The following ARHGAP44 variants were observed in gnomAD, a reference collection of about 807,000 sequenced individuals.
The protein encoded by ARHGAP44 is rho GTPase-activating protein 44.
A neutral mutation model predicts 106.8 loss-of-function variants in ARHGAP44; 43 were observed. That is an observed-to-expected ratio of 0.40 (90% CI 0.32 to 0.52). ARHGAP44 has a LOEUF of 0.52. Among genes scored for constraint, ARHGAP44 ranks in the 20% least tolerant of loss-of-function variants. The probability of loss-of-function intolerance (pLI) is 0.48; values close to 1 mark genes in which losing one functional copy is unlikely to be tolerated. For missense variants in ARHGAP44, 866 were observed against 1,050.5 expected, an observed-to-expected ratio of 0.82 and a Z score of 2.43; for synonymous variants, 439 against 410.3, an observed-to-expected ratio of 1.07 and a Z score of -0.85.
rs542864428 is a variant in ARHGAP44 at position 12,807,942 on chromosome 17, C to T, written c.53+18051C>T. Among the ~76,000 whole-genome samples the T allele has an allele frequency of 2.0e-5, 3 of 152,314 alleles. No homozygotes were observed. In the South Asian group the frequency reaches 6.2e-4, roughly 32 times the overall value. On this transcript the variant is annotated intron_variant, in intron 1 of 20. Transcript: ENST00000379672. ...AGTTACTTCCCAGATACAATGGTTA[C>T]AATGTGGATACAGGCATTGGGTAAA...
rs148811816 is a variant in ARHGAP44 at position 12,912,844 on chromosome 17, A to G, written c.276-3056A>G. On this transcript the variant is annotated intron_variant, in intron 4 of 20. Coordinates refer to ENST00000379672, the MANE Select transcript of ARHGAP44 (RefSeq NM_014859.6). ...TTCAATCAACGAGAGGGCAGAGGAGAATACCGTGACATACGTGGCCTCAGA... is the reference window on the plus strand; with the variant it reads ...TTCAATCAACGAGAGGGCAGAGGAGGATACCGTGACATACGTGGCCTCAGA... 7.5e-3 allele frequency among the ~76,000 whole-genome samples: 1,147 copies of G among 152,298 alleles called. 14 individuals are homozygous for G. Among genetic ancestry groups the G allele is most frequent in the African/African-American group, 0.026 (1,071 of 41,564 alleles).
At chr17:12,857,389 A>T (rs2035942751) in intron 1 of ARHGAP44, among the ~76,000 whole-genome samples, 1 of 152,214 alleles carries the variant, frequency 6.6e-6, no homozygotes, top group Admixed American at 6.5e-5. Flanking sequence ...GAGGCCCTTC[A>T]TGCTGTGTCA....
Position 12,973,821 on chromosome 17 carries a change from C to G in ARHGAP44, c.1542-268C>G, listed in dbSNP as rs2039591101. On this transcript the variant is annotated intron_variant, in intron 17 of 20. Transcript: ENST00000379672. The stretch of plus-strand genomic sequence containing the variant: ...CAGAGGGTTGAAGCACAGCTTGTGG[C>G]CGCCAGCGCTGCCGACTGTGCCCTG... The G allele has an allele frequency of 8.8e-6, 5 of 567,352 alleles. No individual in the cohort carries two copies. In the South Asian group the frequency reaches 1.0e-4, roughly 12 times the overall value. The allele number at this position is 567,352 out of a possible 1,614,324, so 35.1% of individuals were successfully genotyped here.
At chr17:12,932,342 C>A (rs2038426414) in intron 7 of ARHGAP44, among the ~76,000 whole-genome samples, 1 of 152,122 alleles carries the variant, frequency 6.6e-6, no homozygotes, top group Non-Finnish European at 1.5e-5. Flanking sequence ...TGGTGAATTG[C>A]CTATTTGCAT....
At chr17:12,940,711 C>T (rs1337391926) in intron 7 of ARHGAP44, among the ~76,000 whole-genome samples, 1 of 152,138 alleles carries the variant, frequency 6.6e-6, no homozygotes, top group East Asian at 1.9e-4. Context: ...AGCAATAGCA[C>T]AATGTGTGCT....
At chr17:12,905,102 C>A (rs1286436217) in intron 3 of ARHGAP44, among the ~76,000 whole-genome samples, 1 of 145,672 alleles carries the variant, frequency 6.9e-6, no homozygotes, top group Non-Finnish European at 1.5e-5. Flanking sequence ...TTAGAAGAGA[C>A]GGGGTTTCAC....
At chr17:12,923,232 CAG>C (rs2038136884) in intron 6 of ARHGAP44, among the ~76,000 whole-genome samples, 1 of 151,506 alleles carries the variant, frequency 6.6e-6, no homozygotes. Flanking sequence ...TTTTTTGAGA[CAG>C]AGTTTTGCTC....
chr17:12,815,141 TA>T (rs753104772), intron 1 of ARHGAP44, among the ~76,000 whole-genome samples: 23 of 149,142 alleles, frequency 1.5e-4, no homozygotes, highest in Non-Finnish European at 2.2e-4. Flanking sequence ...TTTTTTTTTT[TA>T]AAAGATTCTT....
In ARHGAP44 at chr17:12,991,530, T is replaced by G. The variant is rs2040149951; in HGVS notation, c.*1359T>G. On this transcript the variant is annotated 3_prime_UTR_variant, in exon 21 of 21. Coordinates refer to ENST00000379672, the MANE Select transcript of ARHGAP44 (RefSeq NM_014859.6). The stretch of plus-strand genomic sequence containing the variant: ...CTTCCTGGCAAGGGCAGGTCATGCC[T>G]CAATTTGTAATGGGAGTCTGGGGTA... 1 of 175,734 alleles carries G rather than the reference T, an allele frequency of 5.7e-6. No homozygotes were observed. Among genetic ancestry groups the G allele is most frequent in the Non-Finnish European group, 1.2e-5 (1 of 81,172 alleles). 10.9% of individuals were successfully genotyped at this position (175,734 alleles called of 1,614,324 possible). A position where few individuals can be genotyped will look rare whatever the true frequency, so the allele number is the denominator to read the frequency against.
intron 16 of ARHGAP44, among the ~76,000 whole-genome samples, chr17:12,964,004 C>T (rs1022997047): frequency 2.6e-5 from 4 of 152,088 alleles, no homozygotes; most frequent in Admixed American, 2.6e-4. Flanking sequence ...CTACTTTAGC[C>T]ATTGAGTATT....
At chr17:12,988,262 GTA>G (rs1193882801) in intron 20 of ARHGAP44, 1 of 152,236 alleles carries the variant, frequency 6.6e-6, no homozygotes, top group South Asian at 2.1e-4. Flanking sequence ...TCACCGCCCT[GTA>G]TTATTCCCAT....
chr17:12,816,215 A>G (rs1380302449), intron 1 of ARHGAP44, among the ~76,000 whole-genome samples: 2 of 152,182 alleles, frequency 1.3e-5, no homozygotes, highest in Non-Finnish European at 2.9e-5. Context: ...GTTTTTAGGC[A>G]TATTTGGGTG....
chr17:12,809,133 C>T (rs2034364902), intron 1 of ARHGAP44, among the ~76,000 whole-genome samples: 4 of 152,298 alleles, frequency 2.6e-5, no homozygotes, highest in South Asian at 4.2e-4. Context: ...TCATCTCCAT[C>T]TGAGATGAAC....
At chr17:12,829,428 C>A (rs1263525727) in intron 1 of ARHGAP44, among the ~76,000 whole-genome samples, 2 of 152,062 alleles carry the variant, frequency 1.3e-5, no homozygotes, top group African/African-American at 4.8e-5. Context: ...TATATTGTCT[C>A]TTTCACTCTT....
rs2143506959 is a variant in ARHGAP44, at chr17:12,990,174, T to TGAC, written c.*4_*6dup. 6.2e-7 allele frequency: 1 copy of TGAC among 1,610,860 alleles called. No individual in the cohort carries two copies. The highest frequency in any genetic ancestry group is 1.3e-5 in the African/African-American group (1 of 74,998). ...AGTCTGAGAGCACCGCCCTCTGACA[T>TGAC]GACACCGCCCATCCTGCCTCGCGTG... On this transcript the variant is annotated 3_prime_UTR_variant, in exon 21 of 21. Transcript: ENST00000379672.
chr17:12,809,327 A>G (rs2034370389), intron 1 of ARHGAP44, among the ~76,000 whole-genome samples: 1 of 152,150 alleles, frequency 6.6e-6, no homozygotes, highest in Non-Finnish European at 1.5e-5. Flanking sequence ...TACTATATTA[A>G]TCTGTTCTCA....
At chr17:12,955,269 A>G (rs76296534) in intron 13 of ARHGAP44, among the ~76,000 whole-genome samples, 12,242 of 152,240 alleles carry the variant, frequency 0.08, 649 homozygotes, top group Admixed American at 0.12. Context: ...CTTTATGGAC[A>G]TTTGGGTCAT....
intron 1 of ARHGAP44, among the ~76,000 whole-genome samples, chr17:12,862,329 A>G (rs7209206): frequency 0.18 from 27,270 of 151,922 alleles, 2,866 homozygotes; most frequent in Middle Eastern, 0.3. Flanking sequence ...ACTAAGGCCA[A>G]CTCTACCCTT....
chr17:12,966,061 C>T (rs897774899), intron 16 of ARHGAP44, among the ~76,000 whole-genome samples: 15 of 150,970 alleles, frequency 9.9e-5, no homozygotes, highest in South Asian at 2.1e-4. Context: ...AAGGCTGAGA[C>T]GGGTGAACCC....
Sources: gnomAD v4.1 joint callset for allele counts (sites outside exome capture counted in the v4.1 genomes callset) on GRCh38, gnomAD v4.1.1 for gene constraint, MANE v1.5 for transcripts, NCBI Gene and HGNC (gene_info 2026-07-23, HGNC 2026-07-21) for gene names.